SCML4: variants seen among roughly 807,000 people sequenced by gnomAD.
SCML4 encodes Scm polycomb group protein like 4.
SCML4 carries 34 observed loss-of-function variants against 41.1 expected under a neutral mutation model. The ratio of observed to expected loss-of-function variants is 0.83; its 90% confidence interval spans 0.63 to 1.10. The LOEUF (loss-of-function observed/expected upper bound fraction) is 1.10, where lower values mean the gene tolerates loss of function less well. SCML4 is among the 50% of genes least tolerant of loss of function. The probability of loss-of-function intolerance (pLI) is 0.00; values close to 1 mark genes in which losing one functional copy is unlikely to be tolerated. For synonymous variants in SCML4, 214 were observed against 220.9 expected, an observed-to-expected ratio of 0.97 and a Z score of 0.28; for missense variants, 522 against 534.1, an observed-to-expected ratio of 0.98 and a Z score of 0.22.
chr6:107,782,103 G>T lies in SCML4; in HGVS notation c.-59-9717C>A, dbSNP rs190501768. On this transcript the variant is annotated intron_variant, in intron 1 of 7. Transcript: ENST00000369020. Reference sequence around the variant, plus strand: ...AGGACAAGGAGGAAAGATAAATGAAGTAAGAACAGAGAATATGCACAGTGA... The same window carrying T: ...AGGACAAGGAGGAAAGATAAATGAATTAAGAACAGAGAATATGCACAGTGA... Among the ~76,000 whole-genome samples the T allele has an allele frequency of 2.4e-4, 36 of 152,328 alleles. 1 individual carries two copies. The highest frequency in any genetic ancestry group is 8.4e-4 in the African/African-American group (35 of 41,572).
intron 6 of SCML4, among the ~76,000 whole-genome samples, chr6:107,715,044 G>C (rs866484161): frequency 6.7e-6 from 1 of 149,354 alleles, no homozygotes; most frequent in East Asian, 2.0e-4. Flanking sequence ...GCATGATCTC[G>C]GCTCAGTGCA....
Position 107,749,714 on chromosome 6 carries a change from G to C in SCML4, c.256C>G (p.Pro86Ala). 6.2e-7 allele frequency: 1 copy of C among 1,614,056 alleles called. No homozygotes were observed. Among genetic ancestry groups the C allele is most frequent in the Non-Finnish European group, 8.5e-7 (1 of 1,180,024 alleles). The change falls in exon 3 of 8, where the codon CCC (proline) becomes GCC (alanine). Residue 86 changes from proline to alanine, a missense_variant. By Grantham distance (27) the Pro-to-Ala change is conservative. Coordinates refer to ENST00000369020, the MANE Select transcript of SCML4 (RefSeq NM_198081.5). ...AGAGCCTGTGGGGCCGCCAAGCTGG[G>C]GACCGTGGCTGCGTCCTGAGGGATG... ...SSIPQDAATV[P>A]SLAAPQALTV...
intron 6 of SCML4, among the ~76,000 whole-genome samples, chr6:107,709,344 G>T (rs1774007628): frequency 1.3e-5 from 2 of 152,242 alleles, no homozygotes; most frequent in Non-Finnish European, 2.9e-5. Flanking sequence ...CCAGGATGTA[G>T]CTCATCATGT....
At chr6:107,720,541 T>C in intron 6 of SCML4, 162 bp downstream of exon 6, 1 of 1,386,798 alleles carries the variant, frequency 7.2e-7, no homozygotes, top group Non-Finnish European at 9.3e-7. Flanking sequence ...GTTTGGCTGT[T>C]TTTGAGAACC....
chr6:107,780,916 A>G (rs934357496), intron 1 of SCML4, among the ~76,000 whole-genome samples: 12 of 152,186 alleles, frequency 7.9e-5, no homozygotes, highest in Non-Finnish European at 1.3e-4. Flanking sequence ...AATAGTAACC[A>G]TAGCAATGTA....
chr6:107,705,126 G>A lies in SCML4; in HGVS notation c.*74C>T. On this transcript the variant is annotated 3_prime_UTR_variant, in exon 8 of 8. Transcript: ENST00000369020. ...GAGGAGAGTCTAGTTTGTGATGTTG[G>A]CGGGATATTGGTAAGGCAGAAGATA... 8.3e-6 allele frequency: 11 copies of A among 1,326,690 alleles called. No homozygotes were observed. The highest frequency in any genetic ancestry group is 1.2e-5 in the Non-Finnish European group (11 of 943,120). 82.2% of individuals were successfully genotyped at this position (1,326,690 alleles called of 1,614,324 possible).
At chr6:107,784,893 A>G (rs1011644061) in intron 1 of SCML4, among the ~76,000 whole-genome samples, 3 of 143,036 alleles carry the variant, frequency 2.1e-5, no homozygotes, top group African/African-American at 9.1e-5. Flanking sequence ...TTGGCTGAGC[A>G]GACCAGCAAC....
chr6:107,706,704 A>C (rs1277622721), intron 7 of SCML4, among the ~76,000 whole-genome samples: 1 of 151,984 alleles, frequency 6.6e-6, no homozygotes, highest in Non-Finnish European at 1.5e-5. Context: ...GGGTGGGGGG[A>C]GTGGCGGCTG....
chr6:107,749,655 C>G, intron 3 of SCML4, 29 bp downstream of exon 3: 1 of 1,612,558 alleles, frequency 6.2e-7, no homozygotes, highest in Non-Finnish European at 8.5e-7. Context: ...CAGACCATCA[C>G]AGCCTTGGAG....
chr6:107,826,313 AAAAGAAAAGG>A (rs540369078), upstream of SCML4, among the ~76,000 whole-genome samples: 171 of 151,994 alleles, frequency 1.1e-3, 1 homozygote, highest in Non-Finnish European at 1.7e-3. Context: ...GAAAAAGAAG[AAAAGAAAAGG>A]AAAGAAAAGG....
At chr6:107,771,494 G>T (rs1321621386) in intron 2 of SCML4, among the ~76,000 whole-genome samples, 3 of 152,130 alleles carry the variant, frequency 2.0e-5, no homozygotes, top group Non-Finnish European at 4.4e-5. Context: ...GTTTGAGTTG[G>T]TTTATGATTG....
chr6:107,824,462 C>CTGTGTGTGTG (rs58212021), upstream of SCML4: 13 of 134,850 alleles, frequency 9.6e-5, no homozygotes, highest in African/African-American at 3.4e-4. Flanking sequence ...AACGAGGCCT[C>CTGTGTGTGTG]TGTGTGTGTG....
intron 1 of SCML4, among the ~76,000 whole-genome samples, chr6:107,809,832 TCACATAATTATG>T (rs1784028879): frequency 6.6e-6 from 1 of 152,058 alleles, no homozygotes; most frequent in African/African-American, 2.4e-5. Flanking sequence ...GCCTAACCCC[TCACATAATTATG>T]CACCTCTCTC....
chr6:107,720,387 AT>A (rs1775253666), intron 6 of SCML4: 1 of 1,044,812 alleles, frequency 9.6e-7, no homozygotes, highest in South Asian at 4.4e-5. Flanking sequence ...CTATATTGAG[AT>A]GCATCCATGA....
intron 7 of SCML4, among the ~76,000 whole-genome samples, chr6:107,707,638 A>G (rs4083443): frequency 0.87 from 133,109 of 152,184 alleles, 58,545 homozygotes; most frequent in Non-Finnish European, 0.92. Flanking sequence ...GAGAAGAGAT[A>G]GGGCAAATAT....
chr6:107,809,507 A>C (rs1334143572), intron 1 of SCML4, among the ~76,000 whole-genome samples: 1 of 152,194 alleles, frequency 6.6e-6, no homozygotes, highest in Non-Finnish European at 1.5e-5. Flanking sequence ...CAAGGGGTAG[A>C]TGGAGAAAGG....
chr6:107,817,678 A>C (rs1485894372), intron 1 of SCML4, among the ~76,000 whole-genome samples: 2 of 150,600 alleles, frequency 1.3e-5, no homozygotes, highest in Admixed American at 6.6e-5. Flanking sequence ...TTATTCTACT[A>C]TCAGATCACT....
At chr6:107,733,156 A>C (rs1234655999) in intron 5 of SCML4, among the ~76,000 whole-genome samples, 1 of 152,216 alleles carries the variant, frequency 6.6e-6, no homozygotes, top group Non-Finnish European at 1.5e-5. Flanking sequence ...CTGTGGCTGC[A>C]CCTGGTCCCC....
intron 2 of SCML4, among the ~76,000 whole-genome samples, chr6:107,759,762 A>G (rs1354243406): frequency 6.6e-6 from 1 of 152,224 alleles, no homozygotes; most frequent in African/African-American, 2.4e-5. Context: ...ATAAACCTTC[A>G]GAATGAGACA....
Sources: allele counts gnomAD v4.1 joint callset (sites outside exome capture counted in the v4.1 genomes callset), GRCh38; gene constraint gnomAD v4.1.1; transcripts MANE v1.5; gene names NCBI Gene and HGNC (gene_info 2026-07-23, HGNC 2026-07-21).